Variants in SVIL observed in about 807,000 individuals in gnomAD.
The protein encoded by SVIL is supervillin.
Under a neutral mutation model 240.4 loss-of-function variants are expected in SVIL, and 101 were observed. The observed-to-expected ratio is 0.42, with a 90% CI of 0.36 to 0.50. SVIL has a LOEUF of 0.50. Ranked by LOEUF, SVIL falls within the 20% of genes least tolerant of loss-of-function variation. The pLI, the probability that SVIL is intolerant of heterozygous loss-of-function variation, is 0.01. For missense variants in SVIL, 2,512 were observed against 2,818.7 expected, an observed-to-expected ratio of 0.89 and a Z score of 2.46; for synonymous variants, 999 against 1,100.0, an observed-to-expected ratio of 0.91 and a Z score of 1.82.
chr10:29,509,159 C>A (rs373693654), intron 17 of SVIL, among the ~76,000 whole-genome samples: 54 of 152,276 alleles, frequency 3.5e-4, no homozygotes, highest in African/African-American at 1.3e-3. Context: ...ATCCACAAAA[C>A]AGACAGCTTT....
chr10:29,693,550 C>T (rs1369418370), intron 1 of SVIL, among the ~76,000 whole-genome samples: 1 of 152,062 alleles, frequency 6.6e-6, no homozygotes, highest in African/African-American at 2.4e-5. Context: ...AGAATAGATG[C>T]CTGAGCACCC....
intron 6 of SVIL, among the ~76,000 whole-genome samples, chr10:29,538,975 C>G (rs1184047561): frequency 5.3e-5 from 8 of 151,922 alleles, no homozygotes; most frequent in African/African-American, 1.9e-4. Context: ...CCAGCCTGAG[C>G]AACATAGCAA....
intron 1 of SVIL, among the ~76,000 whole-genome samples, chr10:29,696,975 AG>A (rs1400389886): frequency 7.6e-6 from 1 of 132,212 alleles, no homozygotes; most frequent in Non-Finnish European, 1.6e-5. Flanking sequence ...TGGGGGGGTC[AG>A]CCCCTCGCCC....
At chr10:29,629,442 G>A (rs1199641907) in intron 1 of SVIL, among the ~76,000 whole-genome samples, 1 of 152,130 alleles carries the variant, frequency 6.6e-6, no homozygotes, top group Non-Finnish European at 1.5e-5. Context: ...TCTAAGTCCA[G>A]TGCAGACCTA....
intron 26 of SVIL, 53 bp downstream of exon 26, chr10:29,486,032 C>T: frequency 1.2e-6 from 2 of 1,609,844 alleles, no homozygotes; most frequent in Non-Finnish European, 1.7e-6. Flanking sequence ...GCAGCCTGTG[C>T]TGAGTGCTTT....
intron 1 of SVIL, among the ~76,000 whole-genome samples, chr10:29,574,809 CAGA>C: frequency 6.6e-6 from 1 of 152,282 alleles, no homozygotes; most frequent in Admixed American, 6.5e-5. Context: ...AGCCTGACCC[CAGA>C]AGGAGACATC....
chr10:29,701,694 A>G (rs894444063), intron 1 of SVIL, among the ~76,000 whole-genome samples: 41 of 152,354 alleles, frequency 2.7e-4, no homozygotes, highest in African/African-American at 9.6e-4. Context: ...TATTCATAAA[A>G]TAGTTACTTA....
upstream of SVIL, among the ~76,000 whole-genome samples, chr10:29,635,722 C>A (rs1344530636): frequency 2.0e-5 from 3 of 152,158 alleles, no homozygotes; most frequent in African/African-American, 7.2e-5. Context: ...AATATCACAA[C>A]CCTGTTTACA....
intron 1 of SVIL, among the ~76,000 whole-genome samples, chr10:29,633,456 TC>T (rs1391512664): frequency 6.6e-6 from 1 of 151,966 alleles, no homozygotes; most frequent in Non-Finnish European, 1.5e-5. Flanking sequence ...CTTAACCACA[TC>T]CTCCCAAATG....
At chr10:29,735,990 G>T (rs752311369), upstream of SVIL, among the ~76,000 whole-genome samples, 24 of 152,176 alleles carry the variant, frequency 1.6e-4, no homozygotes, top group Non-Finnish European at 3.1e-4. This position sits in a 1 kb window ranked among gnomAD's most constrained non-coding sequence, Gnocchi z 4.1. Context: ...CACCAGGCGG[G>T]AGCACCCTCG....
At chr10:29,608,271 T>C (rs893408186) in intron 1 of SVIL, among the ~76,000 whole-genome samples, 5 of 152,248 alleles carry the variant, frequency 3.3e-5, no homozygotes, top group Non-Finnish European at 7.3e-5. Context: ...CAAAGTCCTC[T>C]GGTTGAGACA....
In SVIL at chr10:29,550,634, A is replaced by C; in HGVS notation, c.790T>G (p.Phe264Val). 1 of 1,613,402 alleles carries C rather than the reference A, an allele frequency of 6.2e-7. No homozygotes were observed. The highest frequency in any genetic ancestry group is 8.5e-7 in the Non-Finnish European group (1 of 1,179,692). ...TCAGGGGATAGCTGTGGGTCACCAAAGGAGGGGCTCCGGGAGGCTGCCTGC... is the reference window on the plus strand; with the variant it reads ...TCAGGGGATAGCTGTGGGTCACCAACGGAGGGGCTCCGGGAGGCTGCCTGC... Reference protein sequence around the residue: ...LQQAASRSPSFGDPQLSPEAR... With the variant: ...LQQAASRSPSVGDPQLSPEAR... Residue 264 changes from phenylalanine to valine, a missense_variant, in exon 6 of 38, where the codon TTT becomes GTT. Around this residue, in one of 3 missense-constraint regions of SVIL, gnomAD observed 1,443 missense variants for 1,486.6 expected, o/e 0.97. Transcript: ENST00000355867.
chr10:29,525,177 T>C (rs1340497785), intron 13 of SVIL, among the ~76,000 whole-genome samples: 1 of 152,166 alleles, frequency 6.6e-6, no homozygotes, highest in Non-Finnish European at 1.5e-5. Flanking sequence ...CAGAAGGTCT[T>C]GATTTTTACT....
At chr10:29,732,251 A>G (rs1964664340) in intron 1 of SVIL, among the ~76,000 whole-genome samples, 1 of 152,138 alleles carries the variant, frequency 6.6e-6, no homozygotes, top group East Asian at 1.9e-4. Context: ...GTAACTACAC[A>G]TCGGGTGGTG....
At chr10:29,562,489 G>C (rs774414406) in intron 3 of SVIL, among the ~76,000 whole-genome samples, 2 of 152,216 alleles carry the variant, frequency 1.3e-5, no homozygotes, top group Non-Finnish European at 2.9e-5. Flanking sequence ...GGCTGGGCGC[G>C]GTGGCTCACG....
At chr10:29,518,514 T>C (rs1159738968) in intron 16 of SVIL, among the ~76,000 whole-genome samples, 1 of 152,210 alleles carries the variant, frequency 6.6e-6, no homozygotes, top group Non-Finnish European at 1.5e-5. Flanking sequence ...TCTATGCTTT[T>C]TGTCTACAAA....
chr10:29,551,327 A>C, intron 5 of SVIL, 64 bp from the exon 6 acceptor site: 1 of 1,455,116 alleles, frequency 6.9e-7, no homozygotes, highest in Admixed American at 2.2e-5. Context: ...TTACACACAG[A>C]ATGACACTCT....
In SVIL at chr10:29,568,046, CAG is replaced by C. The variant is rs1589283737; in HGVS notation, c.-143+1207_-143+1208del. 4.1e-5 allele frequency among the ~76,000 whole-genome samples: 6 copies of C among 147,254 alleles called. No individual in the cohort carries two copies. The East Asian group carries it at 1.0e-3, about 25-fold the overall frequency. ...AAAAAAACAAAAAAAAAAACAAAAA[CAG>C]AAAGAAACCAAGCCTCAGATCCTAT... On this transcript the variant is annotated intron_variant, in intron 2 of 37. Coordinates refer to ENST00000355867, the MANE Select transcript of SVIL (RefSeq NM_021738.3).
intron 1 of SVIL, among the ~76,000 whole-genome samples, chr10:29,691,122 T>C (rs1476710728): frequency 2.7e-5 from 4 of 147,148 alleles, no homozygotes; most frequent in Non-Finnish European, 6.1e-5. Context: ...AGTAGAAAGA[T>C]TTTTTTTTCT....
Sources: allele counts gnomAD v4.1 joint callset (sites outside exome capture counted in the v4.1 genomes callset), GRCh38; gene constraint gnomAD v4.1.1; regional missense constraint gnomAD v4.1.1; non-coding constraint Gnocchi (gnomAD v3.1); transcripts MANE v1.5; gene names NCBI Gene and HGNC (gene_info 2026-07-23, HGNC 2026-07-21).